Variants in FRMD6 observed in about 807,000 individuals in gnomAD.
The protein encoded by FRMD6 is FERM domain-containing protein 6.
A neutral mutation model predicts 73.2 loss-of-function variants in FRMD6; 37 were observed. The ratio of observed to expected loss-of-function variants is 0.51; its 90% confidence interval spans 0.39 to 0.66. FRMD6 has a LOEUF of 0.66. FRMD6 is among the 30% of genes least tolerant of loss of function. The pLI, the probability that FRMD6 is intolerant of heterozygous loss-of-function variation, is 0.00. For missense variants in FRMD6, 714 were observed against 780.5 expected, an observed-to-expected ratio of 0.91 and a Z score of 1.02; for synonymous variants, 273 against 282.2, an observed-to-expected ratio of 0.97 and a Z score of 0.33.
the FRMD6 span, among the ~76,000 whole-genome samples, chr14:51,433,413 T>C: frequency 1.3e-5 from 2 of 152,160 alleles, no homozygotes; most frequent in African/African-American, 4.8e-5. Flanking sequence ...TTCCCGGACA[T>C]ACTTTTAAGT....
chr14:51,509,290 G>A (rs1208048057), intron 1 of FRMD6, among the ~76,000 whole-genome samples: 2 of 152,140 alleles, frequency 1.3e-5, no homozygotes, highest in Non-Finnish European at 2.9e-5. Flanking sequence ...TTGGGAGGCC[G>A]AGGCTGGCGG....
At chr14:51,684,486 G>A (rs8011426) in intron 1 of FRMD6, among the ~76,000 whole-genome samples, 40,639 of 152,036 alleles carry the variant, frequency 0.27, 5,746 homozygotes, top group East Asian at 0.35. Flanking sequence ...TATGTATTTA[G>A]TAAGAATTGT....
chr14:51,600,435 G>A (rs1182872752), intron 2 of FRMD6, among the ~76,000 whole-genome samples: 1 of 152,168 alleles, frequency 6.6e-6, no homozygotes, highest in Non-Finnish European at 1.5e-5. Flanking sequence ...AGAAACAGAC[G>A]TAGAATTACA....
intron 2 of FRMD6, 78 bp downstream of exon 2, chr14:51,690,013 G>A: frequency 3.2e-6 from 3 of 936,538 alleles, no homozygotes; most frequent in Non-Finnish European, 5.2e-6. Flanking sequence ...ACTTGATTAA[G>A]GGTGAAATCT....
At chr14:51,619,679 T>C (rs1400615414) in intron 2 of FRMD6, among the ~76,000 whole-genome samples, 1 of 152,190 alleles carries the variant, frequency 6.6e-6, no homozygotes, top group Non-Finnish European at 1.5e-5. Flanking sequence ...AGGACCCAGC[T>C]CTGTCCAGAT....
chr14:51,703,279 A>T (rs1432171938), intron 5 of FRMD6, among the ~76,000 whole-genome samples: 1 of 152,064 alleles, frequency 6.6e-6, no homozygotes, highest in Non-Finnish European at 1.5e-5. Context: ...GAAAACTTTC[A>T]GAAGTGATTT....
the FRMD6 span, among the ~76,000 whole-genome samples, chr14:51,437,264 C>T: frequency 6.6e-6 from 1 of 152,136 alleles, no homozygotes; most frequent in African/African-American, 2.4e-5. Context: ...TGATAGTTTG[C>T]TGAGAATGAC....
chr14:51,652,073 T>C (rs545179871), intron 1 of FRMD6, 77 bp downstream of exon 1: 76 of 150,886 alleles, frequency 5.0e-4, no homozygotes, highest in African/African-American at 1.5e-3. Context: ...ACGCCCGCTG[T>C]GCCCCCTGCC....
rs553498326 is a variant in FRMD6, at chr14:51,668,420, C to T, written c.-147+16424C>T. On this transcript the variant is annotated intron_variant, in intron 1 of 13. Coordinates refer to ENST00000344768, the MANE Select transcript of FRMD6 (RefSeq NM_001267046.2). ...CTCCTGGGTTCAAGTGATTCTCCTG[C>T]CTCAGCTTCTGAGTAGCTGGGATTA... 2.6e-5 allele frequency among the ~76,000 whole-genome samples: 4 copies of T among 152,240 alleles called. No individual in the cohort carries two copies. In the South Asian group the frequency reaches 8.3e-4, roughly 32 times the overall value.
the FRMD6 span, among the ~76,000 whole-genome samples, chr14:51,424,346 A>G: frequency 6.6e-6 from 1 of 152,218 alleles, no homozygotes; most frequent in Non-Finnish European, 1.5e-5. Flanking sequence ...CATTTACTGA[A>G]ACTGTTTTCT....
chr14:51,722,053 A>G lies in FRMD6; in HGVS notation c.1465A>G (p.Met489Val), dbSNP rs148621812. ...CATCTACATCACAGAGGACATGCTC[A>G]TGTCGCGGAAGCTGAATGGACACTC... ...MCIYITEDML[M>V]SRKLNGHSGL... Residue 489 changes from methionine to valine, a missense_variant, in exon 12 of 14, where the codon ATG becomes GTG. Physicochemically the swap from Met to Val is conservative, Grantham distance 21. Transcript: ENST00000344768. 4 of 1,613,952 alleles carry G rather than the reference A, an allele frequency of 2.5e-6. No individual in the cohort carries two copies. The highest frequency in any genetic ancestry group is 2.2e-5 in the East Asian group (1 of 44,880).
the FRMD6 span, among the ~76,000 whole-genome samples, chr14:51,442,542 A>G: frequency 5.3e-5 from 8 of 152,182 alleles, no homozygotes; most frequent in African/African-American, 1.9e-4. Flanking sequence ...AACTTCTAGA[A>G]AGCCTCTGCC....
intron 13 of FRMD6, 71 bp from the exon 14 acceptor site, chr14:51,727,674 C>A: frequency 7.1e-7 from 1 of 1,415,878 alleles, no homozygotes; most frequent in Non-Finnish European, 9.6e-7. Flanking sequence ...GGTTCTGTAG[C>A]ATCTCTCTTT....
At chr14:51,449,825 G>A in the FRMD6 span, among the ~76,000 whole-genome samples, 1 of 152,130 alleles carries the variant, frequency 6.6e-6, no homozygotes, top group African/African-American at 2.4e-5. Flanking sequence ...GAACCCCCCA[G>A]CTCTTGGGTC....
chr14:51,610,528 T>C (rs536631007), intron 2 of FRMD6, among the ~76,000 whole-genome samples: 1 of 152,204 alleles, frequency 6.6e-6, no homozygotes, highest in African/African-American at 2.4e-5. Flanking sequence ...GGGTTAAAAA[T>C]GGGAAAAGAT....
intron 1 of FRMD6, among the ~76,000 whole-genome samples, chr14:51,523,396 C>T (rs2140302663): frequency 6.6e-6 from 1 of 152,248 alleles, no homozygotes; most frequent in East Asian, 1.9e-4. Context: ...GAGCCTTCCC[C>T]TTAGCCTCTG....
At chr14:51,617,138 T>C (rs1566505302) in intron 2 of FRMD6, among the ~76,000 whole-genome samples, 1 of 152,178 alleles carries the variant, frequency 6.6e-6, no homozygotes, top group African/African-American at 2.4e-5. Flanking sequence ...CAGTGACCTA[T>C]TATTGAACCG....
intron 1 of FRMD6, among the ~76,000 whole-genome samples, chr14:51,563,552 C>T (rs1048735160): frequency 6.6e-6 from 1 of 152,108 alleles, no homozygotes; most frequent in Non-Finnish European, 1.5e-5. Flanking sequence ...TGCCTGTAAT[C>T]CCAGCTACTC....
chr14:51,573,224 G>A lies in FRMD6; in HGVS notation c.-147+2814G>A, dbSNP rs1262314582. 2.0e-5 allele frequency among the ~76,000 whole-genome samples: 3 copies of A among 152,208 alleles called. No individual in the cohort carries two copies. In the East Asian group the frequency reaches 5.8e-4, roughly 29 times the overall value. ...TCACTTAAACCCCACTTTGTCCTCA[G>A]TCAGTGCTTTCAAATGCCCTTGCTG... On this transcript the variant is annotated intron_variant, in intron 2 of 14. Coordinates refer to the FRMD6 transcript ENST00000356218.
Sources: gnomAD v4.1 joint callset for allele counts (sites outside exome capture counted in the v4.1 genomes callset) on GRCh38, gnomAD v4.1.1 for gene constraint, MANE v1.5 for transcripts, NCBI Gene and HGNC (gene_info 2026-07-23, HGNC 2026-07-21) for gene names.